The following LRP1B variants were observed in gnomAD, a reference collection of about 807,000 sequenced individuals.
LRP1B encodes low-density lipoprotein receptor-related protein 1B.
In LRP1B, 217 loss-of-function variants were observed where a neutral mutation model predicts 556.6. The observed-to-expected ratio is 0.39, with a 90% CI of 0.35 to 0.44. The LOEUF (loss-of-function observed/expected upper bound fraction) is 0.44, where lower values mean the gene tolerates loss of function less well. LRP1B is among the 20% of genes least tolerant of loss of function. LRP1B has a pLI of 1.00. For missense variants in LRP1B, 5,053 were observed against 5,620.8 expected (o/e 0.90, Z 3.23); for synonymous variants, 2,047 against 1,865.8 (o/e 1.10, Z -2.50).
intron 2 of LRP1B, among the ~76,000 whole-genome samples, chr2:141,498,440 A>AT (rs1185110924): frequency 6.6e-6 from 1 of 150,526 alleles, no homozygotes. Flanking sequence ...TCTTCAAGAC[A>AT]TTTTTTTTAA....
intron 1 of LRP1B, among the ~76,000 whole-genome samples, chr2:142,115,662 T>TATATATA (rs1553519023): frequency 1.2e-3 from 6 of 5,162 alleles, no homozygotes; most frequent in African/African-American, 2.5e-3. Context: ...TTATATGTAA[T>TATATATA]ATATATATGT....
chr2:141,985,549 TA>T (rs1227502851), intron 1 of LRP1B, among the ~76,000 whole-genome samples: 1 of 152,060 alleles, frequency 6.6e-6, no homozygotes, highest in African/African-American at 2.4e-5. Flanking sequence ...TCACATCAGT[TA>T]GACGTGATGT....
At chr2:140,864,092 A>G (rs1454239091) in intron 27 of LRP1B, among the ~76,000 whole-genome samples, 1 of 151,846 alleles carries the variant, frequency 6.6e-6, no homozygotes, top group Non-Finnish European at 1.5e-5. Context: ...TTTACTTAGT[A>G]TTTCTCTGTC....
intron 66 of LRP1B, among the ~76,000 whole-genome samples, chr2:140,427,168 A>G (rs1347163501): frequency 6.6e-6 from 1 of 152,140 alleles, no homozygotes; most frequent in Non-Finnish European, 1.5e-5. Context: ...GTGTTTAATC[A>G]TTGCGAGGAC....
In LRP1B at chr2:141,639,393, C is replaced by CATAT. The variant is rs1357208864; in HGVS notation, c.206-158864_206-158861dup. On this transcript the variant is annotated intron_variant, in intron 2 of 90. Transcript: ENST00000389484. ...ATATATATACACATATATATATACA[C>CATAT]ATATATATATATGTGTATATATATA... Among the ~76,000 whole-genome samples, 3 of 36,440 alleles carry CATAT rather than the reference C, an allele frequency of 8.2e-5. No individual in the cohort carries two copies. In the Admixed American group the frequency reaches 8.4e-4, roughly 10 times the overall value. 23.9% of individuals were successfully genotyped at this position (36,440 alleles called of 152,430 possible).
At chr2:142,117,507 G>T (rs1236641744) in intron 1 of LRP1B, among the ~76,000 whole-genome samples, 2 of 151,986 alleles carry the variant, frequency 1.3e-5, no homozygotes, top group Non-Finnish European at 2.9e-5. Flanking sequence ...ACTGATATCG[G>T]CAACTCAGGG....
chr2:141,535,019 G>A (rs1039091149), intron 2 of LRP1B, among the ~76,000 whole-genome samples: 1 of 152,098 alleles, frequency 6.6e-6, no homozygotes, highest in Admixed American at 6.6e-5. Context: ...GGCCTGGGTT[G>A]TTTTTAACTT....
chr2:141,610,296 A>G (rs1402512668), intron 2 of LRP1B, among the ~76,000 whole-genome samples: 1 of 151,130 alleles, frequency 6.6e-6, no homozygotes, highest in African/African-American at 2.4e-5. Context: ...GTGCACATGT[A>G]TTATTATACT....
At chr2:140,768,591 A>G (rs905113133) in intron 35 of LRP1B, among the ~76,000 whole-genome samples, 5 of 151,940 alleles carry the variant, frequency 3.3e-5, no homozygotes, top group African/African-American at 1.2e-4. Context: ...AGTAAATTCA[A>G]CAGTGTCTAC....
At chr2:141,278,283 TCTAG>T in intron 3 of LRP1B, among the ~76,000 whole-genome samples, 1 of 152,236 alleles carries the variant, frequency 6.6e-6, no homozygotes, top group East Asian at 1.9e-4. Flanking sequence ...TCTGTTACAT[TCTAG>T]GTAGAACCCA....
chr2:141,062,889 G>C (rs1699374189), intron 7 of LRP1B, among the ~76,000 whole-genome samples: 1 of 151,670 alleles, frequency 6.6e-6, no homozygotes, highest in Non-Finnish European at 1.5e-5. Flanking sequence ...AAAAAGTATA[G>C]GTCATTTCTT....
chr2:140,732,914 T>C (rs988534834), intron 35 of LRP1B, among the ~76,000 whole-genome samples: 2 of 152,142 alleles, frequency 1.3e-5, no homozygotes, highest in African/African-American at 2.4e-5. Context: ...GAAGGGTAGA[T>C]CAAGGACAAA....
At chr2:141,403,241 T>C (rs898413323) in intron 3 of LRP1B, among the ~76,000 whole-genome samples, 1 of 152,124 alleles carries the variant, frequency 6.6e-6, no homozygotes, top group Non-Finnish European at 1.5e-5. Flanking sequence ...ATTTCTTAAA[T>C]GTTTTAGCAG....
At chr2:141,111,090 G>A (rs1453510636) in intron 7 of LRP1B, among the ~76,000 whole-genome samples, 1 of 152,006 alleles carries the variant, frequency 6.6e-6, no homozygotes, top group East Asian at 1.9e-4. Flanking sequence ...GTGATCGTGG[G>A]ATAAGATACC....
intron 43 of LRP1B, among the ~76,000 whole-genome samples, chr2:140,561,312 A>C (rs914082963): frequency 2.9e-4 from 44 of 152,180 alleles, no homozygotes; most frequent in African/African-American, 2.4e-5. Context: ...GAATCCAAAA[A>C]GAATCTGACC....
chr2:142,106,371 T>C (rs1356436991), intron 1 of LRP1B, among the ~76,000 whole-genome samples: 1 of 152,200 alleles, frequency 6.6e-6, no homozygotes, highest in African/African-American at 2.4e-5. Flanking sequence ...GCACTTTCAT[T>C]ATCTTATTCA....
At chr2:140,300,850 C>T (rs929083859) in intron 83 of LRP1B, among the ~76,000 whole-genome samples, 1 of 152,034 alleles carries the variant, frequency 6.6e-6, no homozygotes, top group Non-Finnish European at 1.5e-5. Context: ...GTACCAGTCA[C>T]ATAGAAAGCA....
intron 43 of LRP1B, among the ~76,000 whole-genome samples, chr2:140,592,538 G>A (rs1682269106): frequency 2.0e-5 from 3 of 151,644 alleles, no homozygotes; most frequent in Admixed American, 1.3e-4. Context: ...AACCTATGTT[G>A]TGAGAAAATT....
intron 29 of LRP1B, among the ~76,000 whole-genome samples, chr2:140,847,702 G>A (rs971904525): frequency 6.6e-6 from 1 of 151,646 alleles, no homozygotes; most frequent in Non-Finnish European, 1.5e-5. Context: ...TGGAGGCAGA[G>A]TTTGCAGTAA....
Sources: allele counts gnomAD v4.1 joint callset (sites outside exome capture counted in the v4.1 genomes callset), GRCh38; gene constraint gnomAD v4.1.1; transcripts MANE v1.5; gene names NCBI Gene and HGNC (gene_info 2026-07-23, HGNC 2026-07-21).